The following NSF variants were observed in gnomAD, a reference collection of about 807,000 sequenced individuals.
The protein encoded by NSF is N-ethylmaleimide sensitive factor, vesicle fusing ATPase.
In NSF, 14 loss-of-function variants were observed where a neutral mutation model predicts 50.3. The ratio of observed to expected loss-of-function variants is 0.28; its 90% CI spans 0.18 to 0.44. NSF has a LOEUF of 0.44. NSF is among the 20% of genes least tolerant of loss of function. The pLI, the probability that NSF is intolerant of heterozygous loss-of-function variation, is 1.00. For synonymous variants in NSF, 109 were observed against 175.7 expected (o/e 0.62, Z 3.00); for missense variants, 218 against 504.3 (o/e 0.43, Z 5.44).
At chr17:46,728,317 T>TTTTA (rs1335467871) in intron 16 of NSF, among the ~76,000 whole-genome samples, 3 of 152,220 alleles carry the variant, frequency 2.0e-5, no homozygotes, top group Non-Finnish European at 2.9e-5. Context: ...TAACATCATG[T>TTTTA]TTTAATATCA....
rs1202991916 is a variant in NSF at position 46,757,244 on chromosome 17, A to C, written c.*1421A>C. 6.6e-6 allele frequency: 1 copy of C among 152,348 alleles called. No individual in the cohort carries two copies. Among genetic ancestry groups the C allele is most frequent in the Admixed American group, 6.5e-5 (1 of 15,276 alleles). The allele number at this position is 152,348 out of a possible 1,614,324, so 9.4% of individuals were successfully genotyped here. A position where few individuals can be genotyped will look rare whatever the true frequency, so the allele number is the denominator to read the frequency against. Reference sequence around the variant, plus strand: ...CTAGCTTATTTTGTGGCTTTTAAAGAAGTGGATTGTATTGTGAGATCCTGT... The same window carrying C: ...CTAGCTTATTTTGTGGCTTTTAAAGCAGTGGATTGTATTGTGAGATCCTGT... On this transcript the variant is annotated 3_prime_UTR_variant, in exon 21 of 21. Coordinates refer to ENST00000398238, the MANE Select transcript of NSF (RefSeq NM_006178.4).
intron 9 of NSF, among the ~76,000 whole-genome samples, chr17:46,692,624 T>C: frequency 8.4e-6 from 1 of 119,348 alleles, no homozygotes; most frequent in East Asian, 2.8e-4. Context: ...GATCGACTAC[T>C]TACTTTCTAT....
chr17:46,721,249 GT>G (rs1227270279), intron 15 of NSF, among the ~76,000 whole-genome samples: 4 of 152,232 alleles, frequency 2.6e-5, no homozygotes, highest in Non-Finnish European at 4.4e-5. Flanking sequence ...AGAGGTTACA[GT>G]TTAATATGAC....
At position 46,756,134 on chromosome 17, in the gene NSF, A is replaced by C. The variant is rs1367392166; in HGVS notation, c.*311A>C. The C allele has an allele frequency of 7.3e-6, 2 of 273,620 alleles. No individual in the cohort carries two copies. The highest frequency in any genetic ancestry group is 4.4e-5 in the African/African-American group (2 of 45,492). The allele number at this position is 273,620 out of a possible 1,614,324, so 16.9% of individuals were successfully genotyped here. On this transcript the variant is annotated 3_prime_UTR_variant, in exon 21 of 21. Transcript: ENST00000398238. ...AGTACTTGTGGACACTACACGTTTC[A>C]ACCTCTCTACTAGCACCATCACCCT...
chr17:46,684,960 G>A lies in NSF; in HGVS notation c.946-7943G>A, dbSNP rs548567777. Among the ~76,000 whole-genome samples the A allele has an allele frequency of 5.2e-4, 50 of 96,288 alleles. 1 individual carries two copies. The Admixed American group carries it at 6.2e-3, about 12-fold the overall frequency. 63.2% of individuals were successfully genotyped at this position (96,288 alleles called of 152,430 possible). On this transcript the variant is annotated intron_variant, in intron 9 of 20. Coordinates refer to ENST00000398238, the MANE Select transcript of NSF (RefSeq NM_006178.4). Reference sequence around the variant, plus strand: ...TAAAAAGATCTAGTAGATCCAAATGGCAATTGTAAGATAGAATTTTATTCT... The same window carrying A: ...TAAAAAGATCTAGTAGATCCAAATGACAATTGTAAGATAGAATTTTATTCT...
rs915739113 is a variant in NSF at position 46,756,840 on chromosome 17, A to G, written c.*1017A>G. On this transcript the variant is annotated 3_prime_UTR_variant, in exon 21 of 21. Coordinates refer to ENST00000398238, the MANE Select transcript of NSF (RefSeq NM_006178.4). ...CCCTCAGTCCTTTATTGTCCATTCC[A>G]ATACATTGAACACATTTCCTTTACC... The G allele has an allele frequency of 5.9e-5, 9 of 152,616 alleles. No homozygotes were observed. The highest frequency in any genetic ancestry group is 1.3e-4 in the Non-Finnish European group (9 of 68,056). 9.5% of individuals were successfully genotyped at this position (152,616 alleles called of 1,614,324 possible). A position where few individuals can be genotyped will look rare whatever the true frequency, so the allele number is the denominator to read the frequency against.
At chr17:46,649,279 CAT>C (rs1328433113) in intron 8 of NSF, among the ~76,000 whole-genome samples, 1 of 138,490 alleles carries the variant, frequency 7.2e-6, no homozygotes, top group Non-Finnish European at 1.5e-5. Flanking sequence ...AAAGTTTCTC[CAT>C]ATATAACAAA....
chr17:46,636,540 TA>T (rs1298301368), intron 4 of NSF, among the ~76,000 whole-genome samples: 1 of 56,440 alleles, frequency 1.8e-5, no homozygotes, highest in Non-Finnish European at 3.1e-5. Context: ...TTTGTAGTAG[TA>T]AAAAAGAAAT....
At chr17:46,749,975 A>G (rs1215806558) in intron 18 of NSF, 68 bp downstream of exon 18, 30 of 1,513,862 alleles carry the variant, frequency 2.0e-5, no homozygotes, top group Non-Finnish European at 2.7e-5. Flanking sequence ...AAGTAGTACC[A>G]CATTATACCT....
At chr17:46,717,757 G>T (rs1437422494) in intron 15 of NSF, among the ~76,000 whole-genome samples, 2 of 152,128 alleles carry the variant, frequency 1.3e-5, no homozygotes, top group Non-Finnish European at 2.9e-5. Flanking sequence ...GGGCCTGGTG[G>T]CAGTGGCGGT....
At chr17:46,679,935 G>C (rs1311855532) in intron 9 of NSF, among the ~76,000 whole-genome samples, 2 of 145,844 alleles carry the variant, frequency 1.4e-5, no homozygotes, top group Non-Finnish European at 3.0e-5. Flanking sequence ...AAAGTGCCTA[G>C]GATTCGATCT....
At chr17:46,740,462 C>T (rs185522098) in intron 17 of NSF, among the ~76,000 whole-genome samples, 1 of 152,122 alleles carries the variant, frequency 6.6e-6, no homozygotes, top group East Asian at 1.9e-4. Flanking sequence ...GATTAGAACA[C>T]AGGGGTCAAT....
chr17:46,722,160 C>A (rs1598715061), intron 15 of NSF: 1 of 1,611,820 alleles, frequency 6.2e-7, no homozygotes, highest in Non-Finnish European at 8.5e-7. Flanking sequence ...GGCGCTCGAA[C>A]TGAACATGGC....
In NSF at chr17:46,751,568, C is replaced by G. The variant is rs202064467; in HGVS notation, c.2109C>G (p.Val703=). The G allele has an allele frequency of 3.1e-5, 50 of 1,613,918 alleles. No homozygotes were observed. The highest frequency in any genetic ancestry group is 4.0e-5 in the African/African-American group (3 of 74,926). ...TIAQQVKGKK[V]WIGIKKLLML... ...CACAGCAAGTCAAAGGGAAGAAGGT[C>G]TGGATAGGAATCAAGAAGTTACTAA... is the stretch of plus-strand genomic sequence containing the variant. Residue 703 remains valine, a synonymous_variant, in exon 19 of 21, where the codon GTC becomes GTG. Coordinates refer to ENST00000398238, the MANE Select transcript of NSF (RefSeq NM_006178.4).
intron 13 of NSF, among the ~76,000 whole-genome samples, chr17:46,707,518 A>G (rs1487591465): frequency 6.6e-6 from 1 of 151,962 alleles, no homozygotes; most frequent in Admixed American, 6.6e-5. Context: ...GAAACTCTAT[A>G]CCCATTAAAT....
At chr17:46,741,242 A>G (rs1476217606) in intron 17 of NSF, among the ~76,000 whole-genome samples, 2 of 152,190 alleles carry the variant, frequency 1.3e-5, no homozygotes, top group Admixed American at 6.5e-5. Context: ...TGGGGGAATG[A>G]GGTAATCTTT....
chr17:46,615,755 A>G (rs1299050354), intron 1 of NSF, among the ~76,000 whole-genome samples: 2 of 46,770 alleles, frequency 4.3e-5, no homozygotes, highest in Non-Finnish European at 8.0e-5. Flanking sequence ...AAAGTTCTGT[A>G]TACAATTCTG....
chr17:46,736,853 C>T (rs907470931), intron 17 of NSF, among the ~76,000 whole-genome samples: 12 of 152,226 alleles, frequency 7.9e-5, no homozygotes, highest in Admixed American at 5.9e-4. Flanking sequence ...TGTGCAAGTG[C>T]CTCCTAACTC....
At position 46,667,518 on chromosome 17, in the gene NSF, A is replaced by G. The variant is rs1465089480; in HGVS notation, c.746-6896A>G. Among the ~76,000 whole-genome samples, 19 of 142,800 alleles carry G rather than the reference A, an allele frequency of 1.3e-4. 1 individual carries two copies. The highest frequency in any genetic ancestry group is 4.5e-4 in the African/African-American group (18 of 39,874). The allele number at this position is 142,800 out of a possible 152,430, so 93.7% of individuals were successfully genotyped here. On this transcript the variant is annotated intron_variant, in intron 8 of 20. Coordinates refer to ENST00000398238, the MANE Select transcript of NSF (RefSeq NM_006178.4). ...GCAAAACTAAAACTAAAACAACCCA[A>G]TGACAGCACTGCTCTCCAGTTTAAA...
Sources: gnomAD v4.1 joint callset for allele counts (sites outside exome capture counted in the v4.1 genomes callset) on GRCh38, gnomAD v4.1.1 for gene constraint, MANE v1.5 for transcripts, NCBI Gene and HGNC (gene_info 2026-07-23, HGNC 2026-07-21) for gene names.